LONRF3: variants seen among roughly 807,000 people sequenced by gnomAD.
LONRF3 encodes the protein LON peptidase N-terminal domain and ring finger 3.
LONRF3 carries 19 observed loss-of-function variants against 51.7 expected under a neutral mutation model. That is an observed-to-expected ratio of 0.37 (90% CI 0.26 to 0.54). LONRF3 has a LOEUF of 0.54. Ranked by LOEUF, LONRF3 falls within the 20% of genes least tolerant of loss-of-function variation. LONRF3 has a pLI of 0.86. For synonymous variants in LONRF3, 265 were observed against 257.8 expected (o/e 1.03, Z -0.27); for missense variants, 521 against 623.9 (o/e 0.84, Z 1.76).
rs750266360 is a variant in LONRF3 at position 118,975,399 on chromosome X, G to C, written c.619G>C (p.Gly207Arg). ...GCTCTCCGCCTTGATGGTGGCCACT[G>C]GGCGGGCGCGTGGAGCCCGGCGGGC... ...VKLSALMVATGRARGARRAGQ... is the reference protein window; with the variant it reads ...VKLSALMVATRRARGARRAGQ... Residue 207 changes from glycine to arginine, a missense_variant, in exon 1 of 11, where the codon GGG (glycine) becomes CGG (arginine). Transcript: ENST00000371628. The C allele has an allele frequency of 2.5e-6, 3 of 1,200,691 alleles. No individual in the cohort carries two copies. In the African/African-American group the frequency reaches 5.2e-5, roughly 21 times the overall value.
At chrX:119,006,085 T>C in intron 5 of LONRF3, 36 bp from the exon 6 acceptor site, 1 of 884,952 alleles carries the variant, frequency 1.1e-6, no homozygotes. Flanking sequence ...TTTGGTCTTA[T>C]TGCAGTTTTC....
chrX:119,009,515 C>T (rs1468351199), intron 7 of LONRF3, among the ~76,000 whole-genome samples: 1 of 111,828 alleles, frequency 8.9e-6, no homozygotes, highest in African/African-American at 3.3e-5. Flanking sequence ...CCCCCAGTAA[C>T]AGGGTATTGT....
chrX:119,009,833 G>A (rs1056180631), intron 7 of LONRF3, among the ~76,000 whole-genome samples: 9 of 111,069 alleles, frequency 8.1e-5, no homozygotes, highest in Admixed American at 2.9e-4. Flanking sequence ...GCAGTGGTAC[G>A]ATCTTGGCTT....
At chrX:119,009,371 G>A (rs1279463140) in intron 7 of LONRF3, 124 bp downstream of exon 7, 9 of 719,724 alleles carry the variant, frequency 1.3e-5, no homozygotes, top group Middle Eastern at 5.2e-4. Flanking sequence ...TGGCTATGGT[G>A]AGAGTATTTA....
rs1481808751 is a variant in LONRF3, at chrX:119,009,343, A to G, written c.1652+96A>G. On this transcript the variant is annotated intron_variant, in intron 7 of 10. Coordinates refer to ENST00000371628, the MANE Select transcript of LONRF3 (RefSeq NM_001031855.3). ...TCCCAGCTTCCGACTTAGTGATGTC[A>G]TGCTAGCTGCTTGAAATTGGCTATG... is the stretch of plus-strand genomic sequence containing the variant. 21 of 890,948 alleles carry G rather than the reference A, an allele frequency of 2.4e-5. No homozygotes were observed. The Admixed American group carries it at 4.6e-4, about 20-fold the overall frequency. 73.4% of individuals were successfully genotyped at this position (890,948 alleles called of 1,213,427 possible). A position where few individuals can be genotyped will look rare whatever the true frequency, so the allele number is the denominator to read the frequency against.
chrX:118,974,751 C>T lies in LONRF3; in HGVS notation c.-30C>T, dbSNP rs754123046. 3 of 1,127,729 alleles carry T rather than the reference C, an allele frequency of 2.7e-6. No homozygotes were observed. Among genetic ancestry groups the T allele is most frequent in the East Asian group, 3.2e-5 (1 of 30,968 alleles). 92.9% of individuals were successfully genotyped at this position (1,127,729 alleles called of 1,213,427 possible). On this transcript the variant is annotated 5_prime_UTR_variant, in exon 1 of 11. In the 5' UTR this introduces an upstream ATG that the reference lacks. Transcript: ENST00000371628. ...TTGCTTCGTGTCCCCGGTCCCTAGACGCCTCGTCTCCTCCCGTGTCCCTCT... is the reference window on the plus strand; with the variant it reads ...TTGCTTCGTGTCCCCGGTCCCTAGATGCCTCGTCTCCTCCCGTGTCCCTCT...
intron 6 of LONRF3, among the ~76,000 whole-genome samples, chrX:119,006,532 C>A (rs996237685): frequency 1.8e-5 from 2 of 108,820 alleles, no homozygotes; most frequent in African/African-American, 3.4e-5. Flanking sequence ...TCCCAAGTAG[C>A]TGGGATTACA....
intron 5 of LONRF3, among the ~76,000 whole-genome samples, chrX:119,000,821 C>A: frequency 1.3e-5 from 1 of 79,287 alleles, no homozygotes; most frequent in Non-Finnish European, 2.5e-5. Context: ...CTCTCTCTCT[C>A]TCTCTCTCTC....
chrX:118,978,926 T>C (rs982842961), intron 2 of LONRF3, among the ~76,000 whole-genome samples: 9 of 110,355 alleles, frequency 8.2e-5, no homozygotes, highest in African/African-American at 3.0e-4. Context: ...TGTAGCACTA[T>C]ATAAACGTTC....
At position 119,009,119 on chromosome X, in the gene LONRF3, CA is replaced by C; in HGVS notation, c.1531-6del. 8.3e-7 allele frequency: 1 copy of C among 1,204,872 alleles called. No individual in the cohort carries two copies. The highest frequency in any genetic ancestry group is 1.1e-6 in the Non-Finnish European group (1 of 890,581). On this transcript the variant is annotated splice_polypyrimidine_tract_variant and splice_region_variant and intron_variant, in intron 6 of 10. Coordinates refer to ENST00000371628, the MANE Select transcript of LONRF3 (RefSeq NM_001031855.3). ...TGCATATTGTCTAATTGCCTCCCCC[CA>C]TGTAGTGCTTGGCATCAAGAAAATA...
At chrX:119,012,079 C>T in intron 8 of LONRF3, 106 bp downstream of exon 8, 1 of 795,389 alleles carries the variant, frequency 1.3e-6, no homozygotes. Flanking sequence ...TGAGGTTTAG[C>T]CAACTGAAGA....
Position 119,011,795 on chromosome X carries a change from T to C in LONRF3, c.1653-20T>C, listed in dbSNP as rs1263545924. 9 of 1,207,599 alleles carry C rather than the reference T, an allele frequency of 7.5e-6. No homozygotes were observed. In the South Asian group the frequency reaches 1.1e-4, roughly 14 times the overall value. Reference sequence around the variant, plus strand: ...CTGTCCGATTGCTTTGAGATCCCTGTCATTTTCTCTTTCTGACAGCCTTAA... The same window carrying C: ...CTGTCCGATTGCTTTGAGATCCCTGCCATTTTCTCTTTCTGACAGCCTTAA... On this transcript the variant is annotated intron_variant, in intron 7 of 10. Coordinates refer to ENST00000371628, the MANE Select transcript of LONRF3 (RefSeq NM_001031855.3).
At chrX:119,010,984 T>A (rs984944454) in intron 7 of LONRF3, among the ~76,000 whole-genome samples, 1 of 109,725 alleles carries the variant, frequency 9.1e-6, no homozygotes, top group African/African-American at 3.3e-5. Context: ...CATGGTGGCA[T>A]GCACCTGTAA....
rs190077515 is a variant in LONRF3 at position 119,005,004 on chromosome X, C to A, written c.1416-1117C>A. On this transcript the variant is annotated intron_variant, in intron 5 of 10. Coordinates refer to ENST00000371628, the MANE Select transcript of LONRF3 (RefSeq NM_001031855.3). ...CTTCAACCCCTGTGGACCTCAGGTT[C>A]ATTCTAGTTAGTGGGTTCAGTTTCT... 2.4e-3 allele frequency among the ~76,000 whole-genome samples: 271 copies of A among 112,173 alleles called. 1 individual carries two copies. The highest frequency in any genetic ancestry group is 1.4e-3 in the Non-Finnish European group (77 of 53,223).
At position 119,013,064 on chromosome X, in the gene LONRF3, G is replaced by C; in HGVS notation, c.1837G>C (p.Glu613Gln). 8.3e-7 allele frequency: 1 copy of C among 1,211,895 alleles called. No individual in the cohort carries two copies. The highest frequency in any genetic ancestry group is 1.1e-6 in the Non-Finnish European group (1 of 895,534). The change falls in exon 9 of 11, where the codon GAG (glutamate) becomes CAG (glutamine). Residue 613 changes from glutamate to glutamine, a missense_variant. By Grantham distance (29) the Glu-to-Gln change is conservative. Coordinates refer to ENST00000371628, the MANE Select transcript of LONRF3 (RefSeq NM_001031855.3). ...GTTTGCAGAATATGGCTGCATCCTAGAGATCAGAAATGTTCAATTCTTTGC... is the reference window on the plus strand; with the variant it reads ...GTTTGCAGAATATGGCTGCATCCTACAGATCAGAAATGTTCAATTCTTTGC... ...KGFAEYGCIL[E>Q]IRNVQFFADG...
intron 2 of LONRF3, among the ~76,000 whole-genome samples, chrX:118,980,098 G>A (rs1922442805): frequency 8.9e-6 from 1 of 112,324 alleles, no homozygotes; most frequent in Non-Finnish European, 1.9e-5. Flanking sequence ...ACGTGGCCAA[G>A]AGGACATTCT....
chrX:118,992,719 A>G (rs908468106), intron 5 of LONRF3, among the ~76,000 whole-genome samples: 2 of 111,598 alleles, frequency 1.8e-5, no homozygotes, highest in African/African-American at 6.5e-5. Context: ...CAACCAGCAC[A>G]AAAATAGAGC....
In LONRF3 at chrX:118,975,481, G is replaced by A; in HGVS notation, c.701G>A (p.Gly234Asp). Residue 234 changes from glycine (G) to aspartate (D), a missense_variant, in exon 1 of 11, where the codon GGC (glycine) becomes GAC (aspartate). Transcript: ENST00000371628. ...AACGTGGTGCTCAGCGGCCTCCTCG[G>A]CAAGTTGTTTCCAGGCCCAGCGCGA... ...RVNVVLSGLL[G>D]KLFPGPARAS... 8.3e-7 allele frequency: 1 copy of A among 1,201,286 alleles called. No individual in the cohort carries two copies. The highest frequency in any genetic ancestry group is 1.1e-6 in the Non-Finnish European group (1 of 891,011).
intron 3 of LONRF3, among the ~76,000 whole-genome samples, chrX:118,984,133 G>T (rs1223271070): frequency 1.8e-5 from 2 of 112,433 alleles, no homozygotes; most frequent in African/African-American, 6.5e-5. Context: ...ACATTCCTGA[G>T]GCTAGGTTTG....
Sources: allele counts gnomAD v4.1 joint callset (sites outside exome capture counted in the v4.1 genomes callset), GRCh38; gene constraint gnomAD v4.1.1; transcripts MANE v1.5; gene names NCBI Gene and HGNC (gene_info 2026-07-23, HGNC 2026-07-21).